HMG20A: variants seen among roughly 807,000 people sequenced by gnomAD.
The protein encoded by HMG20A is high mobility group protein 20A.
Under a neutral mutation model 43.9 loss-of-function variants are expected in HMG20A, and 17 were observed. That is an observed-to-expected ratio of 0.39 (90% confidence interval 0.27 to 0.58). The LOEUF (loss-of-function observed/expected upper bound fraction) is 0.58, where lower values mean the gene tolerates loss of function less well. Ranked by LOEUF, HMG20A falls within the 20% of genes least tolerant of loss-of-function variation. The pLI is 0.59. For missense variants in HMG20A, 341 were observed against 438.2 expected (o/e 0.78, Z 1.98); for synonymous variants, 132 against 147.5 (o/e 0.89, Z 0.76).
At chr15:77,444,853 T>C (rs1451207148) in intron 1 of HMG20A, among the ~76,000 whole-genome samples, 1 of 152,232 alleles carries the variant, frequency 6.6e-6, no homozygotes, top group Non-Finnish European at 1.5e-5. Context: ...TTGTGCCTAT[T>C]CATCTTGTGA....
chr15:77,453,146 G>A (rs571124310), intron 1 of HMG20A, among the ~76,000 whole-genome samples: 6 of 152,242 alleles, frequency 3.9e-5, no homozygotes, highest in Non-Finnish European at 5.9e-5. Flanking sequence ...CACAAGAATC[G>A]CTTGAACCCA....
At chr15:77,428,172 C>T (rs2073445555) in intron 1 of HMG20A, among the ~76,000 whole-genome samples, 1 of 152,128 alleles carries the variant, frequency 6.6e-6, no homozygotes, top group Non-Finnish European at 1.5e-5. Flanking sequence ...ATAAACAGAG[C>T]GAAAGATCTT....
chr15:77,463,701 TACTTA>T (rs1297949697), intron 2 of HMG20A, among the ~76,000 whole-genome samples: 2 of 152,200 alleles, frequency 1.3e-5, no homozygotes, highest in African/African-American at 2.4e-5. Context: ...TACCTGAACT[TACTTA>T]ACTTGATAGT....
the HMG20A span, among the ~76,000 whole-genome samples, chr15:77,498,121 G>T: frequency 6.6e-6 from 1 of 152,104 alleles, no homozygotes; most frequent in Non-Finnish European, 1.5e-5. Context: ...AAGTGCGTGG[G>T]CCAGGGATAC....
intron 1 of HMG20A, among the ~76,000 whole-genome samples, chr15:77,422,313 A>T (rs555867138): frequency 1.3e-5 from 2 of 152,300 alleles, no homozygotes; most frequent in Admixed American, 1.3e-4. Flanking sequence ...CTCTGCGATT[A>T]TTTTAATTCT....
At chr15:77,459,386 T>C (rs188802352) in intron 2 of HMG20A, among the ~76,000 whole-genome samples, 7 of 152,282 alleles carry the variant, frequency 4.6e-5, no homozygotes, top group Admixed American at 4.6e-4. Context: ...TAGATAAAAA[T>C]CATAGGCCTT....
At chr15:77,421,953 ACT>A (rs1426894021) in intron 1 of HMG20A, among the ~76,000 whole-genome samples, 1 of 152,194 alleles carries the variant, frequency 6.6e-6, no homozygotes, top group African/African-American at 2.4e-5. Flanking sequence ...GGGTCATGAG[ACT>A]CAGCTCAGAT....
chr15:77,440,510 T>G (rs866894626), intron 1 of HMG20A, among the ~76,000 whole-genome samples: 2 of 152,334 alleles, frequency 1.3e-5, no homozygotes, highest in Non-Finnish European at 2.9e-5. Context: ...TATATTGCTG[T>G]GGTAATAAAC....
intron 3 of HMG20A, among the ~76,000 whole-genome samples, chr15:77,465,290 GA>G (rs1014571337): frequency 2.4e-5 from 3 of 125,736 alleles, no homozygotes; most frequent in South Asian, 2.6e-4. Flanking sequence ...AAAAAAGAAA[GA>G]AAAAAACAAC....
At chr15:77,516,734 T>A in the HMG20A span, among the ~76,000 whole-genome samples, 3 of 152,016 alleles carry the variant, frequency 2.0e-5, no homozygotes, top group African/African-American at 7.2e-5. Context: ...TAAACAGAAC[T>A]TCCCAGGGGA....
chr15:77,467,078 TTTG>T lies in HMG20A; in HGVS notation c.238-14_238-12del. On this transcript the variant is annotated splice_polypyrimidine_tract_variant and intron_variant, in intron 3 of 9. Transcript: ENST00000336216. ...TGTTGTTTGGTTTTTGGTTTTTTAT[TTTG>T]TTTTGTTTTGTAGCAACGAAGTAAA... The T allele has an allele frequency of 6.3e-7, 1 of 1,594,528 alleles. No homozygotes were observed.
intron 4 of HMG20A, among the ~76,000 whole-genome samples, chr15:77,470,629 G>T (rs2072798395): frequency 6.6e-6 from 1 of 152,114 alleles, no homozygotes. Flanking sequence ...TCATCTTCAT[G>T]AATTTTTTAT....
chr15:77,458,759 T>C (rs2072679483), intron 2 of HMG20A, among the ~76,000 whole-genome samples: 1 of 152,224 alleles, frequency 6.6e-6, no homozygotes, highest in Non-Finnish European at 1.5e-5. Flanking sequence ...GAAAATTATA[T>C]AGTCACCATT....
chr15:77,500,556 C>T, the HMG20A span, among the ~76,000 whole-genome samples: 1 of 128,106 alleles, frequency 7.8e-6, no homozygotes, highest in Admixed American at 8.6e-5. Flanking sequence ...CCCAAACCCT[C>T]CCTGTTCTTT....
the HMG20A span, among the ~76,000 whole-genome samples, chr15:77,505,826 A>G: frequency 6.6e-6 from 1 of 152,222 alleles, no homozygotes; most frequent in Non-Finnish European, 1.5e-5. Flanking sequence ...TAGATGGCAG[A>G]GCCAGATCTG....
intron 3 of HMG20A, 33 bp from the exon 4 acceptor site, chr15:77,467,062 G>GT (rs771012965): frequency 2.2e-5 from 34 of 1,569,782 alleles, no homozygotes; most frequent in Non-Finnish European, 2.8e-5. Flanking sequence ...TTGTTGTTTG[G>GT]TTTTTGGTTT....
chr15:77,458,216 C>A, intron 1 of HMG20A, 188 bp from the exon 2 acceptor site: 1 of 464,702 alleles, frequency 2.2e-6, no homozygotes, highest in Non-Finnish European at 3.9e-6. Flanking sequence ...TTGATAAGAC[C>A]AAGGTTAAAA....
At chr15:77,448,957 C>T (rs1429378832) in intron 1 of HMG20A, among the ~76,000 whole-genome samples, 4 of 151,810 alleles carry the variant, frequency 2.6e-5, no homozygotes, top group Non-Finnish European at 4.4e-5. Flanking sequence ...AGGCTGAGGC[C>T]GAGAATTGCT....
chr15:77,496,997 C>T, the HMG20A span, among the ~76,000 whole-genome samples: 1 of 152,190 alleles, frequency 6.6e-6, no homozygotes, highest in South Asian at 2.1e-4. Context: ...AGCTGGCGCC[C>T]TCTGCTGTCC....
Sources: gnomAD v4.1 joint callset for allele counts (sites outside exome capture counted in the v4.1 genomes callset) on GRCh38, gnomAD v4.1.1 for gene constraint, MANE v1.5 for transcripts, NCBI Gene and HGNC (gene_info 2026-07-23, HGNC 2026-07-21) for gene names.